The following PACRGL variants were observed in gnomAD, a reference collection of about 807,000 sequenced individuals.
PACRGL encodes PACRG-like protein.
In PACRGL, 38 loss-of-function variants were observed where a neutral mutation model predicts 34.5. The observed-to-expected ratio is 1.10, with a 90% CI of 0.85 to 1.44. The LOEUF (loss-of-function observed/expected upper bound fraction) is 1.44, where lower values mean the gene tolerates loss of function less well. Among genes scored for constraint, PACRGL ranks in the 40% most tolerant of loss-of-function variants. PACRGL has a pLI of 0.00. For synonymous variants in PACRGL, 128 were observed against 100.1 expected (o/e 1.28, Z -1.66); for missense variants, 305 against 281.4 (o/e 1.08, Z -0.60).
In PACRGL at chr4:20,729,069, C is replaced by T. The variant is rs938609114; in HGVS notation, c.*1728C>T. On this transcript the variant is annotated 3_prime_UTR_variant, in exon 9 of 9. Coordinates refer to ENST00000503585, the MANE Select transcript of PACRGL (RefSeq NM_001258345.3). ...AAGTGAATTTTGCTTGCTAATTTTG[C>T]TTGCTGTTTGTTCTTAGTAGACAGT... 6.6e-6 allele frequency: 1 copy of T among 151,988 alleles called. No homozygotes were observed. The highest frequency in any genetic ancestry group is 1.5e-5 in the Non-Finnish European group (1 of 67,984). 9.4% of individuals were successfully genotyped at this position (151,988 alleles called of 1,614,324 possible).
downstream of PACRGL, among the ~76,000 whole-genome samples, chr4:20,733,605 C>T (rs1249200889): frequency 1.3e-5 from 2 of 152,074 alleles, no homozygotes; most frequent in African/African-American, 4.8e-5. Context: ...GTTTGTTAGA[C>T]ACAGGCAGAA....
chr4:20,757,960 T>C, the PACRGL span, among the ~76,000 whole-genome samples: 2 of 152,172 alleles, frequency 1.3e-5, no homozygotes, highest in Non-Finnish European at 2.9e-5. Context: ...AATATTATTT[T>C]TTAACTCCCA....
At chr4:20,755,835 A>G (rs1754372385), downstream of PACRGL, among the ~76,000 whole-genome samples, 1 of 152,138 alleles carries the variant, frequency 6.6e-6, no homozygotes, top group Admixed American at 6.5e-5. Flanking sequence ...CAGGAGCAGC[A>G]TCATGGCTGG....
chr4:20,727,563 AT>A lies in PACRGL; in HGVS notation c.*228del. On this transcript the variant is annotated 3_prime_UTR_variant, in exon 9 of 9. Coordinates refer to ENST00000503585, the MANE Select transcript of PACRGL (RefSeq NM_001258345.3). ...CTATAAGAGTACAATTTTGAGGTTT[AT>A]TTTTTGTATTTTTATTATTTGTGCG... The A allele has an allele frequency of 2.5e-6, 1 of 402,464 alleles. No homozygotes were observed. Among genetic ancestry groups the A allele is most frequent in the Non-Finnish European group, 4.5e-6 (1 of 224,342 alleles). 24.9% of individuals were successfully genotyped at this position (402,464 alleles called of 1,614,324 possible).
At chr4:20,712,254 TA>T (rs1418180043) in intron 5 of PACRGL, among the ~76,000 whole-genome samples, 1 of 151,110 alleles carries the variant, frequency 6.6e-6, no homozygotes, top group Non-Finnish European at 1.5e-5. Context: ...TCCTTTTTCT[TA>T]TTTTTTTTTT....
intron 8 of PACRGL, among the ~76,000 whole-genome samples, chr4:20,741,570 G>T (rs987859795): frequency 2.0e-5 from 3 of 152,184 alleles, no homozygotes; most frequent in Admixed American, 6.5e-5. Flanking sequence ...ATTTAAAGCA[G>T]TGTGTAGAGG....
chr4:20,719,507 C>T (rs1449351277), intron 7 of PACRGL, among the ~76,000 whole-genome samples: 1 of 152,140 alleles, frequency 6.6e-6, no homozygotes, highest in Non-Finnish European at 1.5e-5. Context: ...TTAAATATGT[C>T]CCAGAGATTC....
At chr4:20,703,511 T>TGTG (rs59363888) in intron 1 of PACRGL, among the ~76,000 whole-genome samples, 2 of 95,556 alleles carry the variant, frequency 2.1e-5, no homozygotes, top group Admixed American at 1.2e-4. Context: ...TGTGTGTGTG[T>TGTG]TTGTGTGTGT....
At chr4:20,764,472 A>G in the PACRGL span, among the ~76,000 whole-genome samples, 1 of 152,052 alleles carries the variant, frequency 6.6e-6, no homozygotes, top group Non-Finnish European at 1.5e-5. Context: ...TATTCTATGC[A>G]TCCTTCTGTG....
intron 8 of PACRGL, among the ~76,000 whole-genome samples, chr4:20,740,123 A>G (rs979801249): frequency 6.6e-6 from 1 of 152,206 alleles, no homozygotes; most frequent in African/African-American, 2.4e-5. Flanking sequence ...TGTACCTGAA[A>G]GTGACGGGGA....
intron 7 of PACRGL, among the ~76,000 whole-genome samples, chr4:20,722,728 T>G (rs1743928547): frequency 6.6e-6 from 1 of 152,194 alleles, no homozygotes; most frequent in South Asian, 2.1e-4. Context: ...AACTCCCATG[T>G]TGACAAGGAT....
intron 8 of PACRGL, among the ~76,000 whole-genome samples, chr4:20,742,292 G>T (rs755425636): frequency 6.6e-6 from 1 of 152,178 alleles, no homozygotes; most frequent in South Asian, 2.1e-4. Context: ...CAATATCCCT[G>T]CTGAACATCG....
intron 8 of PACRGL, among the ~76,000 whole-genome samples, chr4:20,747,196 C>A (rs1189535299): frequency 6.6e-6 from 1 of 152,064 alleles, no homozygotes; most frequent in African/African-American, 2.4e-5. Context: ...ATCATTAACA[C>A]CATACTAAAT....
intron 1 of PACRGL, 23 bp from the exon 2 acceptor site, chr4:20,704,443 A>G: frequency 6.3e-7 from 1 of 1,579,962 alleles, no homozygotes; most frequent in Non-Finnish European, 8.7e-7. Context: ...TTTGAAATCA[A>G]CTTTTTTTTT....
chr4:20,731,884 AG>A lies in PACRGL; in HGVS notation c.*4544del. 6.8e-7 allele frequency: 1 copy of A among 1,470,286 alleles called. No individual in the cohort carries two copies. The highest frequency in any genetic ancestry group is 9.0e-7 in the Non-Finnish European group (1 of 1,110,016). 91.1% of individuals were successfully genotyped at this position (1,470,286 alleles called of 1,614,324 possible). ...GTGGTAGGCTTATGCTGCATGTTGT[AG>A]AAGTGGTAAACTTAGGCATATGATC... On this transcript the variant is annotated 3_prime_UTR_variant, in exon 9 of 9. Coordinates refer to ENST00000503585, the MANE Select transcript of PACRGL (RefSeq NM_001258345.3).
chr4:20,717,908 C>T (rs546721016), intron 7 of PACRGL, among the ~76,000 whole-genome samples: 75 of 152,214 alleles, frequency 4.9e-4, no homozygotes, highest in Non-Finnish European at 8.4e-4. Context: ...GGCATTGATT[C>T]TGTAAATTAC....
chr4:20,712,684 TAATG>T (rs1578192694), intron 5 of PACRGL, 100 bp from the exon 6 acceptor site: 1 of 1,011,818 alleles, frequency 9.9e-7, no homozygotes, highest in East Asian at 2.9e-5. Flanking sequence ...AGGAAAACAA[TAATG>T]AAATTTTTGA....
chr4:20,752,301 A>T (rs1578528098), intron 8 of PACRGL, among the ~76,000 whole-genome samples: 1 of 152,014 alleles, frequency 6.6e-6, no homozygotes, highest in African/African-American at 2.4e-5. Context: ...GCAGGTGATC[A>T]GCCTGCCTCA....
chr4:20,715,864 CA>C (rs199591438), intron 7 of PACRGL, among the ~76,000 whole-genome samples: 2 of 148,968 alleles, frequency 1.3e-5, no homozygotes, highest in Non-Finnish European at 1.5e-5. Flanking sequence ...GTCTGCACTT[CA>C]AAAAAAAACC....
Sources: gnomAD v4.1 joint callset for allele counts (sites outside exome capture counted in the v4.1 genomes callset) on GRCh38, gnomAD v4.1.1 for gene constraint, MANE v1.5 for transcripts, NCBI Gene and HGNC (gene_info 2026-07-23, HGNC 2026-07-21) for gene names.